ZNF69: variants seen among roughly 807,000 people sequenced by gnomAD.
ZNF69 encodes zinc finger protein 69.
ZNF69 carries 47 observed loss-of-function variants against 50.9 expected under a neutral mutation model. The ratio of observed to expected loss-of-function variants is 0.92; its 90% CI spans 0.73 to 1.18. The LOEUF (loss-of-function observed/expected upper bound fraction) is 1.18. Ranked by LOEUF, ZNF69 falls within the 50% of genes most tolerant of loss-of-function variation. The pLI is 0.00. For missense variants in ZNF69, 717 were observed against 675.1 expected (o/e 1.06, Z -0.69); for synonymous variants, 216 against 223.1 (o/e 0.97, Z 0.29).
At chr19:11,961,738 C>G in the ZNF69 span, 1 of 152,172 alleles carries the variant, frequency 6.6e-6, no homozygotes, top group Non-Finnish European at 1.5e-5. Flanking sequence ...GCCTCAGCCT[C>G]CAGAGTAGCT....
chr19:11,952,409 T>C, the ZNF69 span, among the ~76,000 whole-genome samples: 1 of 152,236 alleles, frequency 6.6e-6, no homozygotes, highest in Non-Finnish European at 1.5e-5. Context: ...GTAAATTGTC[T>C]GAATACAAGC....
chr19:11,964,804 T>G, the ZNF69 span, among the ~76,000 whole-genome samples: 3 of 152,334 alleles, frequency 2.0e-5, no homozygotes, highest in African/African-American at 7.2e-5. Context: ...TTCTCTTATA[T>G]CTGTAGCAAG....
chr19:11,894,493 C>T (rs1977175331), intron 1 of ZNF69, among the ~76,000 whole-genome samples: 1 of 152,210 alleles, frequency 6.6e-6, no homozygotes, highest in Admixed American at 6.5e-5. Context: ...CCTTTGGAAA[C>T]TTCAAAGGGT....
chr19:11,902,315 AT>A (rs1283093302), intron 1 of ZNF69, among the ~76,000 whole-genome samples: 2 of 152,058 alleles, frequency 1.3e-5, no homozygotes, highest in African/African-American at 2.4e-5. Flanking sequence ...ATAATATCCC[AT>A]TTTATATATA....
chr19:11,963,088 A>AGAGAGAGAGAGAGTGTGTGTGT, the ZNF69 span, among the ~76,000 whole-genome samples: 1 of 138,248 alleles, frequency 7.2e-6, no homozygotes, highest in African/African-American at 3.0e-5. Context: ...AGAGAGAGAG[A>AGAGAGAGAGAGAGTGTGTGTGT]GTGTGTGTGT....
intron 1 of ZNF69, 30 bp from the exon 2 acceptor site, chr19:11,903,543 A>G (rs1335035958): frequency 3.7e-6 from 6 of 1,612,724 alleles, no homozygotes; most frequent in Admixed American, 1.7e-5. Flanking sequence ...ACTCTCACCC[A>G]TCCTCCTCTA....
downstream of ZNF69, among the ~76,000 whole-genome samples, chr19:11,908,410 A>C (rs967355375): frequency 6.6e-6 from 1 of 152,226 alleles, no homozygotes; most frequent in Non-Finnish European, 1.5e-5. Flanking sequence ...AAAATTGACC[A>C]CATAGTTGGA....
At chr19:11,948,216 T>G in the ZNF69 span, 11 of 1,551,548 alleles carry the variant, frequency 7.1e-6, no homozygotes, top group South Asian at 1.2e-4. Context: ...CAATACTTGT[T>G]GATTAATATA....
rs765641936 is a variant in ZNF69, at chr19:11,904,805, A to G, written c.408A>G (p.Leu136=). The change falls in exon 4 of 4, where the codon CTA becomes CTG. Residue 136 remains leucine (L), a synonymous_variant. Transcript: ENST00000429654. Reference sequence around the variant, plus strand: ...GCTTTGTGTGTGGAGAAGTTGGCCTAGGTAACTCATCTTTTAATATGAACA... The same window carrying G: ...GCTTTGTGTGTGGAGAAGTTGGCCTGGGTAACTCATCTTTTAATATGAACA... The part of the protein sequence containing the change: ...CDSFVCGEVG[L]GNSSFNMNIR... 11 of 1,613,960 alleles carry G rather than the reference A, an allele frequency of 6.8e-6. No homozygotes were observed. The African/African-American group carries it at 1.3e-4, about 20-fold the overall frequency.
intron 1 of ZNF69, among the ~76,000 whole-genome samples, chr19:11,902,822 T>C (rs540137494): frequency 2.3e-4 from 35 of 151,984 alleles, no homozygotes; most frequent in Non-Finnish European, 4.0e-4. Flanking sequence ...TATTAATTCA[T>C]AGGACTCTGT....
the ZNF69 span, among the ~76,000 whole-genome samples, chr19:11,954,160 C>A: frequency 6.6e-6 from 1 of 151,964 alleles, no homozygotes; most frequent in Non-Finnish European, 1.5e-5. Flanking sequence ...AAGACCCACC[C>A]AACAATAAGA....
At chr19:11,897,574 G>GA (rs779720252) in intron 1 of ZNF69, among the ~76,000 whole-genome samples, 168 of 112,722 alleles carry the variant, frequency 1.5e-3, no homozygotes, top group Admixed American at 2.0e-3. Context: ...GACCCTGTTT[G>GA]AAAAAAAAAA....
At chr19:11,958,333 T>C in the ZNF69 span, among the ~76,000 whole-genome samples, 3 of 152,074 alleles carry the variant, frequency 2.0e-5, no homozygotes, top group African/African-American at 7.2e-5. Context: ...CCCCTAGGGC[T>C]TTGAGTGGCA....
At chr19:11,920,662 T>G in the ZNF69 span, among the ~76,000 whole-genome samples, 2 of 151,094 alleles carry the variant, frequency 1.3e-5, no homozygotes, top group Non-Finnish European at 2.9e-5. Context: ...CTGAGGGGGG[T>G]GCATCACCTG....
downstream of ZNF69, among the ~76,000 whole-genome samples, chr19:11,917,308 G>A (rs374185138): frequency 2.5e-4 from 38 of 152,358 alleles, no homozygotes; most frequent in East Asian, 5.2e-3. Flanking sequence ...CAGTGAGCGA[G>A]TGGTCTTTGG....
chr19:11,962,273 C>T, the ZNF69 span, among the ~76,000 whole-genome samples: 1 of 152,104 alleles, frequency 6.6e-6, no homozygotes, highest in Non-Finnish European at 1.5e-5. Flanking sequence ...AAAAAATTAG[C>T]CGGGCATGAT....
the ZNF69 span, among the ~76,000 whole-genome samples, chr19:11,936,493 G>A: frequency 6.6e-6 from 1 of 152,180 alleles, no homozygotes; most frequent in Non-Finnish European, 1.5e-5. Context: ...CTTCTTTTGA[G>A]AAATGTCTGT....
chr19:11,967,142 C>A, the ZNF69 span, among the ~76,000 whole-genome samples: 2 of 152,160 alleles, frequency 1.3e-5, no homozygotes, highest in African/African-American at 4.8e-5. Flanking sequence ...CGAGACCACC[C>A]TGGGCAACAT....
chr19:11,918,628 AT>A (rs1033152708), downstream of ZNF69, among the ~76,000 whole-genome samples: 1 of 151,756 alleles, frequency 6.6e-6, no homozygotes, highest in Non-Finnish European at 1.5e-5. Flanking sequence ...ATTTTCAAAA[AT>A]TTTTTGTAGA....
Sources: allele counts gnomAD v4.1 joint callset (sites outside exome capture counted in the v4.1 genomes callset), GRCh38; gene constraint gnomAD v4.1.1; transcripts MANE v1.5; gene names NCBI Gene and HGNC (gene_info 2026-07-23, HGNC 2026-07-21).